Variants in UBE2E2 observed in about 807,000 individuals in gnomAD.
The protein encoded by UBE2E2 is ubiquitin conjugating enzyme E2 E2.
In UBE2E2, 6 loss-of-function variants were observed where a neutral mutation model predicts 24.7. That is an observed-to-expected ratio of 0.24 (90% CI 0.13 to 0.48). The LOEUF (loss-of-function observed/expected upper bound fraction) is 0.48. UBE2E2 is among the 20% of genes least tolerant of loss of function. The pLI, the probability that UBE2E2 is intolerant of heterozygous loss-of-function variation, is 0.99. For synonymous variants in UBE2E2, 104 were observed against 83.6 expected (o/e 1.24, Z -1.33); for missense variants, 169 against 245.0 (o/e 0.69, Z 2.07).
chr3:23,577,271 G>A (rs1051639866), intron 5 of UBE2E2, among the ~76,000 whole-genome samples: 2 of 151,552 alleles, frequency 1.3e-5, no homozygotes, highest in African/African-American at 4.8e-5. Context: ...GTTGTGAATG[G>A]AAAGGAAAAG....
At chr3:23,400,096 C>CT (rs1381335909) in intron 3 of UBE2E2, among the ~76,000 whole-genome samples, 2 of 151,990 alleles carry the variant, frequency 1.3e-5, no homozygotes, top group Non-Finnish European at 2.9e-5. Flanking sequence ...ATATACAAGT[C>CT]TAAAAAAAAT....
intron 3 of UBE2E2, among the ~76,000 whole-genome samples, chr3:23,269,861 T>G (rs569622976): frequency 6.6e-6 from 1 of 152,150 alleles, no homozygotes; most frequent in South Asian, 2.1e-4. Flanking sequence ...AGGGGAAAAA[T>G]GTTTATTCTG....
chr3:23,417,010 C>G (rs531822590), intron 3 of UBE2E2, among the ~76,000 whole-genome samples: 4 of 152,102 alleles, frequency 2.6e-5, no homozygotes, highest in South Asian at 2.1e-4. Flanking sequence ...TCCTTTAGCT[C>G]GGAGGAATTT....
At chr3:23,358,935 G>C (rs980288888) in intron 3 of UBE2E2, among the ~76,000 whole-genome samples, 1 of 152,120 alleles carries the variant, frequency 6.6e-6, no homozygotes, top group South Asian at 2.1e-4. Context: ...TTGACCAAGG[G>C]TACCTAGCCA....
At chr3:23,520,617 T>G (rs749901011) in intron 4 of UBE2E2, among the ~76,000 whole-genome samples, 2 of 152,234 alleles carry the variant, frequency 1.3e-5, no homozygotes, top group Non-Finnish European at 2.9e-5. Context: ...AATTTACTTA[T>G]CATTAACAGA....
intron 3 of UBE2E2, among the ~76,000 whole-genome samples, chr3:23,224,130 G>T (rs1301771229): frequency 8.1e-6 from 1 of 123,626 alleles, no homozygotes; most frequent in Non-Finnish European, 1.7e-5. Context: ...GCTATTCATA[G>T]TCTTGTGGTT....
chr3:23,440,716 T>C (rs1698285661), intron 3 of UBE2E2, among the ~76,000 whole-genome samples: 1 of 152,176 alleles, frequency 6.6e-6, no homozygotes, highest in South Asian at 2.1e-4. Context: ...ACTTAGAAAT[T>C]TCATTTTCAG....
At chr3:23,295,579 G>A (rs1698887362) in intron 3 of UBE2E2, among the ~76,000 whole-genome samples, 1 of 152,194 alleles carries the variant, frequency 6.6e-6, no homozygotes, top group African/African-American at 2.4e-5. Context: ...GCCAAGAGAA[G>A]TATGGGAAGT....
chr3:23,304,988 C>T (rs1274004836), intron 3 of UBE2E2, among the ~76,000 whole-genome samples: 1 of 152,138 alleles, frequency 6.6e-6, no homozygotes, highest in Non-Finnish European at 1.5e-5. Flanking sequence ...AGACTTTCCA[C>T]ATGTTGATAC....
chr3:23,446,698 G>GTTTT (rs1698436642), intron 3 of UBE2E2, among the ~76,000 whole-genome samples: 1 of 75,454 alleles, frequency 1.3e-5, no homozygotes. Flanking sequence ...CCGTCTGTTT[G>GTTTT]GTTTTTTTTT....
chr3:23,360,552 T>C lies in UBE2E2; in HGVS notation c.228-139056T>C, dbSNP rs150033671. Among the ~76,000 whole-genome samples the C allele has an allele frequency of 2.3e-3, 343 of 152,224 alleles. 3 individuals are homozygous for C. The highest frequency in any genetic ancestry group is 7.9e-3 in the African/African-American group (327 of 41,534). On this transcript the variant is annotated intron_variant, in intron 3 of 5. Coordinates refer to ENST00000396703, the MANE Select transcript of UBE2E2 (RefSeq NM_152653.4). ...CTGGAGAGCATAGAAGAAGAGATAATAATGAAATCTTCCTGACATGGTATG... is the reference window on the plus strand; with the variant it reads ...CTGGAGAGCATAGAAGAAGAGATAACAATGAAATCTTCCTGACATGGTATG...
In UBE2E2 at chr3:23,231,743, C is replaced by T. The variant is rs531987330; in HGVS notation, c.227+14431C>T. On this transcript the variant is annotated intron_variant, in intron 3 of 5. Coordinates refer to ENST00000396703, the MANE Select transcript of UBE2E2 (RefSeq NM_152653.4). ...TTCAAATTAGGGTTCTTGCAAACCCCATCTTTGGGTTTGTTTGATTAACTA... is the reference window on the plus strand; with the variant it reads ...TTCAAATTAGGGTTCTTGCAAACCCTATCTTTGGGTTTGTTTGATTAACTA... Among the ~76,000 whole-genome samples, 6 of 152,278 alleles carry T rather than the reference C, an allele frequency of 3.9e-5. No homozygotes were observed. The East Asian group carries it at 1.2e-3, about 29-fold the overall frequency.
chr3:23,357,470 G>T (rs1695989944), intron 3 of UBE2E2, among the ~76,000 whole-genome samples: 1 of 151,998 alleles, frequency 6.6e-6, no homozygotes, highest in African/African-American at 2.4e-5. Flanking sequence ...GAAAATATTT[G>T]ATTCTTTTTC....
At chr3:23,246,494 C>T (rs867321901) in intron 3 of UBE2E2, among the ~76,000 whole-genome samples, 2 of 151,312 alleles carry the variant, frequency 1.3e-5, no homozygotes, top group Non-Finnish European at 1.5e-5. Context: ...CTCAGCCTCC[C>T]AAAGTTCTGG....
chr3:23,540,876 C>T (rs2125492055), intron 5 of UBE2E2, among the ~76,000 whole-genome samples: 1 of 152,288 alleles, frequency 6.6e-6, no homozygotes. Flanking sequence ...ACTATAGGCA[C>T]ATGCCACCAT....
intron 5 of UBE2E2, chr3:23,534,398 C>A: frequency 5.2e-6 from 1 of 190,508 alleles, no homozygotes; most frequent in Non-Finnish European, 9.7e-6. Context: ...TCACTCCTAA[C>A]TAAAGCAGAA....
At chr3:23,530,672 C>T (rs928530571) in intron 4 of UBE2E2, among the ~76,000 whole-genome samples, 1 of 152,170 alleles carries the variant, frequency 6.6e-6, no homozygotes, top group Non-Finnish European at 1.5e-5. Flanking sequence ...CTATCTCTGT[C>T]ATAAGGCATA....
At chr3:23,443,982 A>G (rs1452072805) in intron 3 of UBE2E2, among the ~76,000 whole-genome samples, 1 of 151,826 alleles carries the variant, frequency 6.6e-6, no homozygotes, top group Non-Finnish European at 1.5e-5. Context: ...AACAAATTAC[A>G]GTCCCTTCTG....
At chr3:23,221,985 C>CT (rs981402952) in intron 3 of UBE2E2, among the ~76,000 whole-genome samples, 20 of 152,086 alleles carry the variant, frequency 1.3e-4, no homozygotes, top group African/African-American at 3.6e-4. Context: ...TATTTATATT[C>CT]TTTTTTTCCT....
Sources: gnomAD v4.1 joint callset for allele counts (sites outside exome capture counted in the v4.1 genomes callset) on GRCh38, gnomAD v4.1.1 for gene constraint, MANE v1.5 for transcripts, NCBI Gene and HGNC (gene_info 2026-07-23, HGNC 2026-07-21) for gene names.